ENOX1: variants seen among roughly 807,000 people sequenced by gnomAD.
The protein encoded by ENOX1 is candidate growth-related and time keeping constitutive hydroquinone (NADH) oxidase.
ENOX1 carries 42 observed loss-of-function variants against 82.5 expected under a neutral mutation model. That is an observed-to-expected ratio of 0.51 (90% CI 0.40 to 0.66). The LOEUF is 0.66. Among genes scored for constraint, ENOX1 ranks in the 30% least tolerant of loss-of-function variants. The probability of loss-of-function intolerance (pLI) is 0.00; values close to 1 mark genes in which losing one functional copy is unlikely to be tolerated. For missense variants in ENOX1, 608 were observed against 811.6 expected (o/e 0.75, Z 3.05); for synonymous variants, 271 against 282.2 (o/e 0.96, Z 0.40).
intron 2 of ENOX1, among the ~76,000 whole-genome samples, chr13:43,589,889 T>C (rs2081164312): frequency 8.1e-6 from 1 of 124,156 alleles, no homozygotes; most frequent in African/African-American, 3.3e-5. Context: ...CAGGCAAGTC[T>C]ATTCTGCAAA....
At chr13:43,311,187 C>T (rs1010957368) in intron 11 of ENOX1, among the ~76,000 whole-genome samples, 3 of 151,780 alleles carry the variant, frequency 2.0e-5, no homozygotes, top group Admixed American at 2.0e-4. Flanking sequence ...CTCAAAGAGT[C>T]GAGTGGACGT....
At chr13:43,238,320 T>C (rs925528831) in intron 14 of ENOX1, among the ~76,000 whole-genome samples, 1 of 152,234 alleles carries the variant, frequency 6.6e-6, no homozygotes, top group Admixed American at 6.5e-5. Context: ...CAAAGGCTTA[T>C]TATGTAGATG....
At chr13:43,412,218 C>T (rs971973106) in intron 4 of ENOX1, among the ~76,000 whole-genome samples, 165 bp from the exon 5 acceptor site, 1 of 152,028 alleles carries the variant, frequency 6.6e-6, no homozygotes, top group Non-Finnish European at 1.5e-5. Context: ...GACATAAACA[C>T]AAAGTGTTTC....
chr13:43,722,970 A>G (rs2088679123), intron 1 of ENOX1, among the ~76,000 whole-genome samples: 2 of 152,246 alleles, frequency 1.3e-5, no homozygotes, highest in Non-Finnish European at 2.9e-5. Flanking sequence ...ATCATAAAAC[A>G]GAACTTTAAA....
chr13:43,775,415 T>TA (rs1235200338), intron 1 of ENOX1, among the ~76,000 whole-genome samples: 10 of 152,170 alleles, frequency 6.6e-5, no homozygotes, highest in African/African-American at 2.4e-4. Context: ...GTGCTGGAAT[T>TA]ACAGGTGTGA....
chr13:43,512,954 T>C (rs2077425812), intron 2 of ENOX1, among the ~76,000 whole-genome samples: 1 of 152,134 alleles, frequency 6.6e-6, no homozygotes, highest in Admixed American at 6.6e-5. Context: ...GGCAATATAA[T>C]GTGACTGCCA....
At chr13:43,323,153 A>G (rs55724954) in intron 10 of ENOX1, among the ~76,000 whole-genome samples, 6 of 152,220 alleles carry the variant, frequency 3.9e-5, no homozygotes, top group African/African-American at 1.2e-4. Context: ...ATACACACAC[A>G]GGCACACACA....
chr13:43,454,791 T>C (rs963203053), intron 3 of ENOX1, among the ~76,000 whole-genome samples: 4 of 152,148 alleles, frequency 2.6e-5, no homozygotes, highest in African/African-American at 7.2e-5. Flanking sequence ...GTATCTATCA[T>C]TAACCATTCA....
intron 2 of ENOX1, among the ~76,000 whole-genome samples, chr13:43,535,611 C>T (rs550880300): frequency 1.3e-5 from 2 of 152,232 alleles, no homozygotes; most frequent in East Asian, 1.9e-4. Flanking sequence ...ACCAAGTTCA[C>T]GATTCAGGTG....
intron 1 of ENOX1, among the ~76,000 whole-genome samples, chr13:43,679,907 A>G (rs1296761045): frequency 6.6e-6 from 1 of 152,224 alleles, no homozygotes; most frequent in Admixed American, 6.5e-5. Context: ...CATATACAAG[A>G]GTAGACATAT....
intron 2 of ENOX1, among the ~76,000 whole-genome samples, chr13:43,638,559 G>A (rs2083499760): frequency 6.6e-6 from 1 of 152,196 alleles, no homozygotes; most frequent in African/African-American, 2.4e-5. Flanking sequence ...AATCTGTGCA[G>A]TGCATAGTAA....
intron 3 of ENOX1, among the ~76,000 whole-genome samples, chr13:43,420,055 T>C (rs1221149800): frequency 6.6e-6 from 1 of 152,182 alleles, no homozygotes; most frequent in Non-Finnish European, 1.5e-5. Context: ...TCCATTAGCA[T>C]TATCATGGTA....
chr13:43,585,690 G>T (rs2080946880), intron 2 of ENOX1, among the ~76,000 whole-genome samples: 1 of 152,134 alleles, frequency 6.6e-6, no homozygotes, highest in Non-Finnish European at 1.5e-5. Flanking sequence ...TGATTCTCCT[G>T]CCTCAGCCTC....
intron 3 of ENOX1, among the ~76,000 whole-genome samples, chr13:43,425,183 T>G (rs1401266263): frequency 6.6e-6 from 1 of 152,068 alleles, no homozygotes; most frequent in African/African-American, 2.4e-5. Flanking sequence ...TCTAGCTGCT[T>G]TTGGAGGTCA....
chr13:43,608,643 A>G (rs2082070137), intron 2 of ENOX1, among the ~76,000 whole-genome samples: 1 of 152,128 alleles, frequency 6.6e-6, no homozygotes, highest in Non-Finnish European at 1.5e-5. Context: ...GCCATCTCAA[A>G]TTGGGTGGAT....
intron 3 of ENOX1, among the ~76,000 whole-genome samples, chr13:43,415,799 C>G (rs7491690): frequency 2.5e-4 from 38 of 151,810 alleles, no homozygotes; most frequent in African/African-American, 8.7e-4. Flanking sequence ...ATGGGGCGGC[C>G]GGGCAGAAGC....
chr13:43,586,908 C>A (rs75173792), intron 2 of ENOX1, among the ~76,000 whole-genome samples: 12 of 145,972 alleles, frequency 8.2e-5, no homozygotes, highest in Admixed American at 6.8e-5. Flanking sequence ...ACTAAAAATA[C>A]AAAAAAAAAA....
chr13:43,290,368 C>CATATAT (rs141606203), intron 12 of ENOX1, among the ~76,000 whole-genome samples: 26 of 150,398 alleles, frequency 1.7e-4, no homozygotes, highest in African/African-American at 6.3e-4. Flanking sequence ...ATGGGATATA[C>CATATAT]ATATATATAT....
At chr13:43,306,828 C>T (rs1471512784) in intron 11 of ENOX1, among the ~76,000 whole-genome samples, 1 of 12,710 alleles carries the variant, frequency 7.9e-5, no homozygotes, top group African/African-American at 8.4e-5. Context: ...TACATAGAAA[C>T]ACACACACGC....
Sources: allele counts gnomAD v4.1 joint callset (sites outside exome capture counted in the v4.1 genomes callset), GRCh38; gene constraint gnomAD v4.1.1; transcripts MANE v1.5; gene names NCBI Gene and HGNC (gene_info 2026-07-23, HGNC 2026-07-21).